Variants in CA8 observed in about 807,000 individuals in gnomAD.
CA8 encodes carbonic anhydrase-related protein.
A neutral mutation model predicts 41.4 loss-of-function variants in CA8; 22 were observed. The observed-to-expected ratio is 0.53, with a 90% CI of 0.38 to 0.76. The LOEUF (loss-of-function observed/expected upper bound fraction) is 0.76. Ranked by LOEUF, CA8 falls within the 30% of genes least tolerant of loss-of-function variation. The pLI, the probability that CA8 is intolerant of heterozygous loss-of-function variation, is 0.00. For missense variants in CA8, 270 were observed against 352.8 expected (o/e 0.77, Z 1.88); for synonymous variants, 121 against 130.6 (o/e 0.93, Z 0.50).
In CA8 at chr8:60,281,048, C is replaced by T; in HGVS notation, c.100G>A (p.Gly34Ser). 6.2e-7 allele frequency: 1 copy of T among 1,608,536 alleles called. No individual in the cohort carries two copies. The highest frequency in any genetic ancestry group is 8.5e-7 in the Non-Finnish European group (1 of 1,177,070). ...EEGVEWGYEE[G>S]VEWGLVFPDA... ...GACACCCCGACTCGCGGCCACTTAC[C>T]TTCCTCGTAGCCCCACTCCACACCC... The change falls in exon 1 of 9, where the codon GGT becomes AGT. Residue 34 changes from glycine to serine, a missense_variant and splice_region_variant. By Grantham distance (56) the Gly-to-Ser change is moderately conservative. Around this residue, in one of 3 missense-constraint regions of CA8, gnomAD observed 123 missense variants for 136.8 expected, o/e 0.90. Coordinates refer to ENST00000317995, the MANE Select transcript of CA8 (RefSeq NM_004056.6).
At chr8:60,206,372 A>C (rs1806580004) in intron 8 of CA8, among the ~76,000 whole-genome samples, 1 of 152,116 alleles carries the variant, frequency 6.6e-6, no homozygotes, top group African/African-American at 2.4e-5. Context: ...TGTGTAAAAG[A>C]GAGAGAGAAA....
chr8:60,214,519 G>A (rs943148354), intron 7 of CA8, among the ~76,000 whole-genome samples: 2 of 152,214 alleles, frequency 1.3e-5, no homozygotes, highest in Non-Finnish European at 2.9e-5. Context: ...CATTTGAAGT[G>A]ATTGTCAAAC....
chr8:60,273,260 T>G, intron 2 of CA8, among the ~76,000 whole-genome samples: 1 of 152,270 alleles, frequency 6.6e-6, no homozygotes, highest in East Asian at 1.9e-4. Context: ...TAATTATATT[T>G]GTTCTAAATA....
Position 60,243,126 on chromosome 8 carries a change from G to A in CA8, c.418-10747C>T, listed in dbSNP as rs148310124. Among the ~76,000 whole-genome samples, 422 of 152,208 alleles carry A rather than the reference G, an allele frequency of 2.8e-3. 2 individuals carry two copies. The highest frequency in any genetic ancestry group is 0.014 in the Middle Eastern group (4 of 294). ...ACGAAATACAGTGCCAGCTGGAGCC[G>A]TCCTTAAATCCAGCCCAAAGGCCCA... On this transcript the variant is annotated intron_variant, in intron 3 of 8. Transcript: ENST00000317995.
chr8:60,274,055 T>A (rs905381027), intron 2 of CA8, among the ~76,000 whole-genome samples: 1 of 152,178 alleles, frequency 6.6e-6, no homozygotes, highest in Non-Finnish European at 1.5e-5. Context: ...TAAAACAAAA[T>A]AACTGAGGCC....
chr8:60,257,708 T>A (rs1434984793), intron 3 of CA8, among the ~76,000 whole-genome samples: 2 of 152,224 alleles, frequency 1.3e-5, no homozygotes, highest in East Asian at 3.9e-4. Context: ...TTGGGTTACT[T>A]AAGTTAGTCT....
chr8:60,253,959 G>A (rs1313685740), intron 3 of CA8, among the ~76,000 whole-genome samples: 1 of 152,090 alleles, frequency 6.6e-6, no homozygotes, highest in African/African-American at 2.4e-5. Flanking sequence ...CCACACCATG[G>A]GAATGTGAAC....
chr8:60,186,083 CAAA>C lies in CA8; in HGVS notation c.*3935_*3937del, dbSNP rs552508922. On this transcript the variant is annotated 3_prime_UTR_variant, in exon 9 of 9. Coordinates refer to ENST00000317995, the MANE Select transcript of CA8 (RefSeq NM_004056.6). ...CAGATGGTGACTCAAATTTACAAGA[CAAA>C]ATGAACATAACCAGAAATGGTAAAT... Among the ~76,000 whole-genome samples, 39 of 151,924 alleles carry C rather than the reference CAAA, an allele frequency of 2.6e-4. No homozygotes were observed. The highest frequency in any genetic ancestry group is 9.2e-4 in the Admixed American group (14 of 15,264).
chr8:60,244,999 A>G (rs1381041297), intron 3 of CA8, among the ~76,000 whole-genome samples: 3 of 152,190 alleles, frequency 2.0e-5, no homozygotes, highest in East Asian at 1.9e-4. Flanking sequence ...CAGCTAAAAA[A>G]CAGACATAAC....
At chr8:60,252,547 G>A (rs1808490589) in intron 3 of CA8, among the ~76,000 whole-genome samples, 2 of 152,152 alleles carry the variant, frequency 1.3e-5, no homozygotes, top group Admixed American at 1.3e-4. Context: ...GTTCTGAGTA[G>A]GACTCAAATT....
At chr8:60,209,655 A>C (rs1806765891) in intron 7 of CA8, among the ~76,000 whole-genome samples, 2 of 152,238 alleles carry the variant, frequency 1.3e-5, no homozygotes, top group South Asian at 4.1e-4. Context: ...TTTATCAGAT[A>C]GATTCAAGGT....
intron 3 of CA8, among the ~76,000 whole-genome samples, chr8:60,238,543 C>A (rs566442018): frequency 1.3e-5 from 2 of 152,224 alleles, no homozygotes; most frequent in Admixed American, 1.3e-4. Flanking sequence ...AGAACTCCCC[C>A]TCCTGCCCCG....
At chr8:60,218,306 G>GTT (rs5891754) in intron 7 of CA8, among the ~76,000 whole-genome samples, 67 of 146,518 alleles carry the variant, frequency 4.6e-4, no homozygotes, top group African/African-American at 1.5e-3. Flanking sequence ...AAATGACTGG[G>GTT]TTTTTTTTTT....
At chr8:60,243,430 T>TAAAAAA (rs200587653) in intron 3 of CA8, among the ~76,000 whole-genome samples, 11 of 141,460 alleles carry the variant, frequency 7.8e-5, no homozygotes, top group African/African-American at 2.6e-4. Context: ...TTCTCCTCTT[T>TAAAAAA]AAAAAAAAAA....
chr8:60,256,851 A>G (rs1585912828), intron 3 of CA8, among the ~76,000 whole-genome samples: 1 of 152,246 alleles, frequency 6.6e-6, no homozygotes, highest in East Asian at 1.9e-4. Context: ...GACTTATAAA[A>G]ATACAATATA....
intron 7 of CA8, among the ~76,000 whole-genome samples, chr8:60,210,518 C>T (rs1193645192): frequency 6.6e-6 from 1 of 152,088 alleles, no homozygotes; most frequent in African/African-American, 2.4e-5. Context: ...TTGAATCCCA[C>T]AACATTCTAA....
chr8:60,269,242 T>A (rs941546584), intron 2 of CA8, among the ~76,000 whole-genome samples: 3 of 152,050 alleles, frequency 2.0e-5, no homozygotes, highest in Non-Finnish European at 2.9e-5. Context: ...TACATTTTTT[T>A]AAATAAAAAA....
chr8:60,213,248 C>T (rs1563528319), intron 7 of CA8, among the ~76,000 whole-genome samples: 1 of 152,220 alleles, frequency 6.6e-6, no homozygotes, highest in Non-Finnish European at 1.5e-5. Context: ...CCTGGTAACA[C>T]CGACGTCAAC....
chr8:60,225,890 G>A (rs1157504698), intron 5 of CA8, among the ~76,000 whole-genome samples: 4 of 152,168 alleles, frequency 2.6e-5, no homozygotes, highest in Non-Finnish European at 5.9e-5. Flanking sequence ...TTGCAAGGCC[G>A]AGGTGGGTGG....
Sources: allele counts gnomAD v4.1 joint callset (sites outside exome capture counted in the v4.1 genomes callset), GRCh38; gene constraint gnomAD v4.1.1; regional missense constraint gnomAD v4.1.1; transcripts MANE v1.5; gene names NCBI Gene and HGNC (gene_info 2026-07-23, HGNC 2026-07-21).